Variants in MYO6 observed in about 807,000 individuals in gnomAD.
MYO6 encodes the protein unconventional myosin-VI.
A neutral mutation model predicts 178.7 loss-of-function variants in MYO6; 74 were observed. That is an observed-to-expected ratio of 0.41 (90% CI 0.34 to 0.50). The LOEUF is 0.50. MYO6 is among the 20% of genes least tolerant of loss of function. The pLI, the probability that MYO6 is intolerant of heterozygous loss-of-function variation, is 0.09. For synonymous variants in MYO6, 477 were observed against 504.6 expected (o/e 0.95, Z 0.73); for missense variants, 1,330 against 1,547.4 (o/e 0.86, Z 2.36).
intron 18 of MYO6, chr6:75,867,399 C>G: frequency 3.6e-6 from 1 of 277,820 alleles, no homozygotes; most frequent in South Asian, 4.3e-5. Context: ...CCTTCTCTTT[C>G]CCATGTGTTT....
intron 16 of MYO6, 109 bp from the exon 17 acceptor site, chr6:75,866,417 A>G (rs1399851599): frequency 1.2e-6 from 1 of 866,524 alleles, no homozygotes; most frequent in African/African-American, 1.7e-5. Flanking sequence ...GAAAAGTGTG[A>G]AAATTTCCTG....
chr6:75,779,998 C>G (rs759605580), intron 1 of MYO6, among the ~76,000 whole-genome samples: 8 of 152,300 alleles, frequency 5.3e-5, no homozygotes, highest in East Asian at 1.9e-4. Context: ...AACAAATTCT[C>G]TCTGTCTGGC....
At chr6:75,843,210 AG>A (rs1289996442) in intron 9 of MYO6, among the ~76,000 whole-genome samples, 1 of 152,212 alleles carries the variant, frequency 6.6e-6, no homozygotes, top group Non-Finnish European at 1.5e-5. Context: ...TTAAAAACAA[AG>A]GGGAAACCTG....
At chr6:75,891,624 T>G (rs1562293117) in intron 27 of MYO6, among the ~76,000 whole-genome samples, 1 of 151,508 alleles carries the variant, frequency 6.6e-6, no homozygotes. Flanking sequence ...AGAGCGAGAC[T>G]CCATCTCAAA....
At chr6:75,804,992 T>C (rs191320471) in intron 1 of MYO6, among the ~76,000 whole-genome samples, 2,268 of 118,814 alleles carry the variant, frequency 0.019, 77 homozygotes, top group African/African-American at 0.075. Context: ...CATATATATA[T>C]ACACACACAC....
chr6:75,775,658 C>T (rs1186467658), intron 1 of MYO6, among the ~76,000 whole-genome samples: 2 of 152,180 alleles, frequency 1.3e-5, no homozygotes, highest in Non-Finnish European at 2.9e-5. Flanking sequence ...TTCTCCTTTT[C>T]CAGTTAGGCT....
intron 1 of MYO6, among the ~76,000 whole-genome samples, chr6:75,759,484 C>T (rs573355986): frequency 6.6e-6 from 1 of 151,880 alleles, no homozygotes; most frequent in Non-Finnish European, 1.5e-5. Context: ...GCAGGAGGGG[C>T]GTGAAGGGAG....
chr6:75,787,688 CTCTCT>C, intron 1 of MYO6, among the ~76,000 whole-genome samples: 1 of 21,004 alleles, frequency 4.8e-5, no homozygotes, highest in East Asian at 1.4e-3. Context: ...CTCTCTCTCT[CTCTCT>C]CTCTCTCTCT....
At chr6:75,828,735 A>G (rs1772751560) in intron 4 of MYO6, 122 bp downstream of exon 4, 2 of 742,842 alleles carry the variant, frequency 2.7e-6, no homozygotes, top group Non-Finnish European at 4.9e-6. Context: ...CCTCTTGAAT[A>G]GAGTGTGAGG....
chr6:75,890,299 TA>T lies in MYO6; in HGVS notation c.2867+37del. The T allele has an allele frequency of 1.9e-6, 3 of 1,612,338 alleles. No homozygotes were observed. The South Asian group carries it at 3.3e-5, about 18-fold the overall frequency. The stretch of plus-strand genomic sequence containing the variant: ...TTTATATTATTTTGAATAAGAGACT[TA>T]AAGAAATAGTGAATTCTTGGTATTG... On this transcript the variant is annotated intron_variant, in intron 26 of 34. Coordinates refer to ENST00000369977, the MANE Select transcript of MYO6 (RefSeq NM_004999.4).
chr6:75,786,233 T>TTA (rs1005807821), intron 1 of MYO6, among the ~76,000 whole-genome samples: 137 of 152,086 alleles, frequency 9.0e-4, no homozygotes, highest in Admixed American at 7.2e-3. Context: ...GCCTATATAT[T>TTA]TATATATATA....
intron 20 of MYO6, among the ~76,000 whole-genome samples, chr6:75,878,573 ACTGT>A (rs774633692): frequency 4.6e-5 from 7 of 152,192 alleles, no homozygotes; most frequent in African/African-American, 1.7e-4. Flanking sequence ...ATTCAATCTG[ACTGT>A]CTGTAAAGGC....
chr6:75,788,640 G>T (rs1272930227), intron 1 of MYO6, among the ~76,000 whole-genome samples: 1 of 152,214 alleles, frequency 6.6e-6, no homozygotes, highest in Admixed American at 6.5e-5. Context: ...GTTTCACCAT[G>T]TTGGCCAGGC....
intron 4 of MYO6, among the ~76,000 whole-genome samples, chr6:75,829,449 G>A (rs1406022762): frequency 6.6e-6 from 1 of 151,942 alleles, no homozygotes; most frequent in Non-Finnish European, 1.5e-5. Context: ...TAGATCAAAT[G>A]ACAGTCTTAA....
chr6:75,809,826 G>T (rs1018854278), intron 1 of MYO6, among the ~76,000 whole-genome samples: 2 of 151,422 alleles, frequency 1.3e-5, no homozygotes, highest in African/African-American at 2.4e-5. Context: ...ACTTTGGGAG[G>T]CCGAGCCAGG....
chr6:75,879,822 A>T lies in MYO6; in HGVS notation c.2080A>T (p.Met694Leu). ...QILSQLQCSG[M>L]VSVLDLMQGG... is the part of the protein sequence containing the mutation. ...TTTGTGCTTGTTCGTGAATCTAGGG[A>T]TGGTGTCTGTTTTGGACTTGATGCA... is the stretch of plus-strand genomic sequence containing the variant. Residue 694 changes from methionine (M) to leucine (L), a missense_variant and splice_region_variant, in exon 21 of 35, where the codon ATG (methionine) becomes TTG (leucine). Met to Leu is a conservative substitution (Grantham distance 15). Transcript: ENST00000369977. 6.2e-7 allele frequency: 1 copy of T among 1,614,078 alleles called. No individual in the cohort carries two copies. The highest frequency in any genetic ancestry group is 8.5e-7 in the Non-Finnish European group (1 of 1,179,982).
At position 75,828,602 on chromosome 6, in the gene MYO6, GAC is replaced by G. The variant is rs1232079736; in HGVS notation, c.252_253del (p.Asp84GlufsTer18). The G allele has an allele frequency of 6.4e-7, 1 of 1,568,918 alleles. No homozygotes were observed. On this transcript the variant is annotated frameshift_variant, in exon 4 of 35. Coordinates refer to ENST00000369977, the MANE Select transcript of MYO6 (RefSeq NM_004999.4). LOFTEE classifies it high-confidence loss of function. ...LHNIKVRYSK[D>X]RIYTYVANIL... ...TAATATCAAAGTTCGATATAGTAAA[GAC>G]AGAATTTATGTAAGTATTTTACCTG...
rs1199799125 is a variant in MYO6 at position 75,881,686 on chromosome 6, T to C, written c.2287-3T>C. ...ACTGATACTAAATTATTTCACTTCC[T>C]AGTTTGCAGAATTTGATCAGATCAT... On this transcript the variant is annotated splice_polypyrimidine_tract_variant and splice_region_variant and intron_variant, in intron 22 of 34. Coordinates refer to ENST00000369977, the MANE Select transcript of MYO6 (RefSeq NM_004999.4). The C allele has an allele frequency of 1.9e-6, 3 of 1,612,940 alleles. No individual in the cohort carries two copies. In the African/African-American group the frequency reaches 4.0e-5, roughly 22 times the overall value.
chr6:75,867,256 A>G (rs570243552), intron 18 of MYO6, 151 bp downstream of exon 18: 9 of 649,892 alleles, frequency 1.4e-5, no homozygotes, highest in African/African-American at 3.6e-5. Context: ...GTAAAATATC[A>G]TAATGTAGGC....
Sources: gnomAD v4.1 joint callset for allele counts (sites outside exome capture counted in the v4.1 genomes callset) on GRCh38, gnomAD v4.1.1 for gene constraint, MANE v1.5 for transcripts, NCBI Gene and HGNC (gene_info 2026-07-23, HGNC 2026-07-21) for gene names.